GPC6: variants seen among roughly 807,000 people sequenced by gnomAD.
GPC6 encodes the protein glypican 6, also known as glypican-6.
In GPC6, 14 loss-of-function variants were observed where a neutral mutation model predicts 55.2. That is an observed-to-expected ratio of 0.25 (90% CI 0.17 to 0.40). The LOEUF is 0.40. GPC6 is among the 10% of genes least tolerant of loss of function. The pLI is 1.00. For missense variants in GPC6, 641 were observed against 708.5 expected, an observed-to-expected ratio of 0.90 and a Z score of 1.08; for synonymous variants, 278 against 259.6, an observed-to-expected ratio of 1.07 and a Z score of -0.68.
intron 2 of GPC6, among the ~76,000 whole-genome samples, chr13:93,610,348 A>T (rs900971027): frequency 1.3e-5 from 2 of 152,180 alleles, no homozygotes; most frequent in African/African-American, 4.8e-5. Context: ...ACAGAAAAAG[A>T]TGTATTTTAC....
At chr13:94,000,271 C>CA (rs1323351731) in intron 3 of GPC6, among the ~76,000 whole-genome samples, 1 of 152,122 alleles carries the variant, frequency 6.6e-6, no homozygotes. Context: ...ACTTTGTATT[C>CA]AATTGTGTTC....
At chr13:93,750,705 TTTTA>T (rs928516286) in intron 2 of GPC6, among the ~76,000 whole-genome samples, 2 of 152,162 alleles carry the variant, frequency 1.3e-5, no homozygotes, top group Non-Finnish European at 2.9e-5. Context: ...GCCTGATTAG[TTTTA>T]AATGACACCA....
chr13:93,529,660 G>T (rs1432334712), intron 1 of GPC6, among the ~76,000 whole-genome samples: 2 of 151,842 alleles, frequency 1.3e-5, no homozygotes, highest in Admixed American at 1.3e-4. Flanking sequence ...GGGATTACAG[G>T]TGCCCGCCAC....
chr13:93,854,351 G>A (rs528545462), intron 3 of GPC6, among the ~76,000 whole-genome samples: 14 of 151,736 alleles, frequency 9.2e-5, no homozygotes, highest in African/African-American at 3.4e-4. Context: ...CACGATAGTA[G>A]TATTTGATTT....
intron 1 of GPC6, among the ~76,000 whole-genome samples, chr13:93,489,666 C>T (rs939840361): frequency 6.6e-6 from 1 of 151,572 alleles, no homozygotes. Flanking sequence ...GTTTGTAGTT[C>T]TCCTTGAAGA....
At chr13:93,701,776 C>T (rs1882679141) in intron 2 of GPC6, among the ~76,000 whole-genome samples, 1 of 152,020 alleles carries the variant, frequency 6.6e-6, no homozygotes. Flanking sequence ...CACTCTTTGT[C>T]ATCTTCAAGA....
intron 1 of GPC6, among the ~76,000 whole-genome samples, chr13:93,388,381 G>C (rs1441542922): frequency 1.3e-5 from 2 of 152,194 alleles, no homozygotes; most frequent in East Asian, 3.9e-4. Flanking sequence ...GAGGGCTCAA[G>C]TTCAATCCCT....
chr13:93,632,636 T>TATATATAA (rs377056284), intron 2 of GPC6, among the ~76,000 whole-genome samples: 25,806 of 125,342 alleles, frequency 0.21, 4,067 homozygotes, highest in Middle Eastern at 0.33. Context: ...TATATATATA[T>TATATATAA]AATAAAATAA....
chr13:93,993,652 C>A (rs1881413165), intron 3 of GPC6, among the ~76,000 whole-genome samples: 1 of 152,086 alleles, frequency 6.6e-6, no homozygotes, highest in African/African-American at 2.4e-5. Flanking sequence ...TAAAAATAAA[C>A]ATCTCATCTA....
chr13:94,271,061 C>T (rs1243250041), intron 4 of GPC6, among the ~76,000 whole-genome samples: 1 of 132,960 alleles, frequency 7.5e-6, no homozygotes, highest in Non-Finnish European at 1.6e-5. Flanking sequence ...GCAATCTCGG[C>T]TCACTGCAAG....
intron 1 of GPC6, among the ~76,000 whole-genome samples, chr13:93,326,643 C>A (rs1426549846): frequency 6.6e-6 from 1 of 152,110 alleles, no homozygotes; most frequent in Non-Finnish European, 1.5e-5. Context: ...TTATGTCAAA[C>A]ATGTACAGAA....
chr13:93,460,712 C>T (rs948505650), intron 1 of GPC6, among the ~76,000 whole-genome samples: 3 of 152,082 alleles, frequency 2.0e-5, no homozygotes, highest in African/African-American at 7.2e-5. Flanking sequence ...CAAAACCATA[C>T]TTTGAGGCAA....
chr13:93,705,145 T>C (rs573175865), intron 2 of GPC6, among the ~76,000 whole-genome samples: 2 of 152,072 alleles, frequency 1.3e-5, no homozygotes, highest in East Asian at 3.9e-4. Flanking sequence ...AGTTACAAAG[T>C]TACTAGTTTT....
At chr13:93,357,509 C>A (rs1308419508) in intron 1 of GPC6, among the ~76,000 whole-genome samples, 1 of 152,088 alleles carries the variant, frequency 6.6e-6, no homozygotes, top group East Asian at 1.9e-4. Context: ...CTTTTGGCAC[C>A]ACATTATTCT....
intron 3 of GPC6, among the ~76,000 whole-genome samples, chr13:93,838,476 A>G (rs886805231): frequency 6.6e-6 from 1 of 152,228 alleles, no homozygotes; most frequent in Non-Finnish European, 1.5e-5. Flanking sequence ...TTGTTTGGAA[A>G]TGAGGCCGGG....
At chr13:93,946,398 C>G (rs1364419359) in intron 3 of GPC6, among the ~76,000 whole-genome samples, 1 of 152,100 alleles carries the variant, frequency 6.6e-6, no homozygotes, top group Non-Finnish European at 1.5e-5. Context: ...TCCAAAAGTG[C>G]TAAGATTACA....
At chr13:93,360,874 G>C (rs1881020041) in intron 1 of GPC6, among the ~76,000 whole-genome samples, 1 of 152,150 alleles carries the variant, frequency 6.6e-6, no homozygotes, top group Non-Finnish European at 1.5e-5. Context: ...GAGGCTTCTA[G>C]TGTGGATGTG....
rs1265496979 is a variant in GPC6, at chr13:94,072,697, A to G, written c.877+44803A>G. On this transcript the variant is annotated intron_variant, in intron 4 of 8. Coordinates refer to ENST00000377047, the MANE Select transcript of GPC6 (RefSeq NM_005708.5). ...TTCTCTACCTTTTAAAGCACTAGAAAAGCAACAATGAATATTGCAAAGGCA... is the reference window on the plus strand; with the variant it reads ...TTCTCTACCTTTTAAAGCACTAGAAGAGCAACAATGAATATTGCAAAGGCA... Among the ~76,000 whole-genome samples, 5 of 152,230 alleles carry G rather than the reference A, an allele frequency of 3.3e-5. No homozygotes were observed. The East Asian group carries it at 9.7e-4, about 29-fold the overall frequency.
At chr13:93,957,753 T>G (rs138881870) in intron 3 of GPC6, among the ~76,000 whole-genome samples, 1 of 152,332 alleles carries the variant, frequency 6.6e-6, no homozygotes, top group East Asian at 1.9e-4. Context: ...ATGAAATTGG[T>G]ATGTCAAATA....
Sources: gnomAD v4.1 joint callset for allele counts (sites outside exome capture counted in the v4.1 genomes callset) on GRCh38, gnomAD v4.1.1 for gene constraint, MANE v1.5 for transcripts, NCBI Gene and HGNC (gene_info 2026-07-23, HGNC 2026-07-21) for gene names.